The following PCED1B variants were observed in gnomAD, a reference collection of about 807,000 sequenced individuals.
PCED1B encodes PC-esterase domain-containing protein 1B.
For synonymous variants in PCED1B, 251 were observed against 246.1 expected (o/e 1.02, Z -0.19); for missense variants, 573 against 573.9 (o/e 1.00, Z 0.02).
chr12:47,125,548 CT>C (rs1164233363), intron 2 of PCED1B, among the ~76,000 whole-genome samples: 23 of 151,966 alleles, frequency 1.5e-4, no homozygotes. Context: ...GACAAGAGGT[CT>C]GCTGGGTACA....
At chr12:47,201,691 C>T (rs952837886) in intron 2 of PCED1B, among the ~76,000 whole-genome samples, 1 of 151,900 alleles carries the variant, frequency 6.6e-6, no homozygotes, top group Non-Finnish European at 1.5e-5. Context: ...CTCAACCTCC[C>T]GGGCTTAGGT....
chr12:47,161,410 C>T (rs1328785942), intron 2 of PCED1B, among the ~76,000 whole-genome samples: 1 of 152,120 alleles, frequency 6.6e-6, no homozygotes, highest in Non-Finnish European at 1.5e-5. Flanking sequence ...TCTGGGCTCT[C>T]TCTTTTATTT....
Position 47,236,041 on chromosome 12 carries a change from T to A in PCED1B, c.978T>A (p.His326Gln), listed in dbSNP as rs766599303. The change falls in exon 4 of 4, where the codon CAT becomes CAA. Residue 326 changes from histidine to glutamine, a missense_variant. His to Gln is a conservative substitution (Grantham distance 24, BLOSUM62 0). Coordinates refer to ENST00000546455, the MANE Select transcript of PCED1B (RefSeq NM_138371.3). ...LSPQPPPPIL[H>Q]HQGMPRFPQG... ...CACAGCCTCCTCCTCCCATTCTCCA[T>A]CACCAGGGAATGCCCCGGTTCCCAC... The A allele has an allele frequency of 1.9e-6, 3 of 1,613,204 alleles. No individual in the cohort carries two copies. The highest frequency in any genetic ancestry group is 2.7e-5 in the African/African-American group (2 of 74,808).
intron 2 of PCED1B, among the ~76,000 whole-genome samples, chr12:47,157,202 C>T (rs970776625): frequency 2.0e-5 from 3 of 152,094 alleles, no homozygotes; most frequent in Admixed American, 1.3e-4. Flanking sequence ...TACCCCTGAA[C>T]ACATAAAAAA....
intron 2 of PCED1B, among the ~76,000 whole-genome samples, chr12:47,179,686 C>T (rs1268827902): frequency 6.6e-6 from 1 of 152,100 alleles, no homozygotes; most frequent in Non-Finnish European, 1.5e-5. Context: ...CAGTACCAAA[C>T]ATAGTATTTT....
chr12:47,192,586 C>T (rs1162384316), intron 2 of PCED1B, among the ~76,000 whole-genome samples: 1 of 152,126 alleles, frequency 6.6e-6, no homozygotes, highest in Non-Finnish European at 1.5e-5. Flanking sequence ...GCAGAGCTCT[C>T]CTTTCATTTT....
intron 2 of PCED1B, among the ~76,000 whole-genome samples, chr12:47,119,973 A>G (rs1039300763): frequency 2.2e-5 from 2 of 89,306 alleles, no homozygotes; most frequent in Non-Finnish European, 6.2e-5. Context: ...CTCCATAATA[A>G]TAATAATAAT....
At chr12:47,090,767 T>C (rs1938229111) in intron 1 of PCED1B, among the ~76,000 whole-genome samples, 1 of 152,208 alleles carries the variant, frequency 6.6e-6, no homozygotes, top group Non-Finnish European at 1.5e-5. Context: ...CTTTTGTATG[T>C]AGTTGTAAAT....
At chr12:47,149,736 TTTATA>T (rs1043745255) in intron 2 of PCED1B, among the ~76,000 whole-genome samples, 3 of 152,222 alleles carry the variant, frequency 2.0e-5, no homozygotes, top group Non-Finnish European at 4.4e-5. Context: ...ACATGTTTCA[TTTATA>T]TAAGGACAGG....
chr12:47,235,232 G>T lies in PCED1B; in HGVS notation c.169G>T (p.Glu57Ter). Residue 57 changes from glutamate (E) to a stop codon, truncating the protein, a stop_gained, in exon 4 of 4, where the codon GAA becomes TAA. Coordinates refer to ENST00000546455, the MANE Select transcript of PCED1B (RefSeq NM_138371.3). LOFTEE classifies it low-confidence loss of function (END_TRUNC). Reference sequence around the variant, plus strand: ...TAGAGCAAGGGGGGAGCTGAACTTCGAACAAGATGAGCTGGTGGACGGAGG... The same window carrying T: ...TAGAGCAAGGGGGGAGCTGAACTTCTAACAAGATGAGCTGGTGGACGGAGG... Reference protein sequence around the residue: ...QLRARGELNFEQDELVDGGQR... With the variant: ...QLRARGELNF 6.2e-7 allele frequency: 1 copy of T among 1,611,852 alleles called. No individual in the cohort carries two copies. The highest frequency in any genetic ancestry group is 2.2e-5 in the East Asian group (1 of 44,864).
intron 2 of PCED1B, among the ~76,000 whole-genome samples, chr12:47,116,793 T>C (rs552497936): frequency 1.2e-4 from 19 of 152,336 alleles, no homozygotes; most frequent in African/African-American, 4.3e-4. Context: ...TCTAGGAAGA[T>C]TTCAGAAGAA....
chr12:47,097,155 A>G (rs1459337189), intron 1 of PCED1B, among the ~76,000 whole-genome samples: 1 of 152,226 alleles, frequency 6.6e-6, no homozygotes, highest in Non-Finnish European at 1.5e-5. Context: ...TGGCAGAGTC[A>G]GGACTTGAAC....
rs376860693 is a variant in PCED1B, at chr12:47,089,192, C to G, written c.-609+9467C>G. Among the ~76,000 whole-genome samples the G allele has an allele frequency of 1.4e-3, 211 of 152,062 alleles. 2 individuals carry two copies. The South Asian group carries it at 0.042, about 30-fold the overall frequency. ...GCGTGGTGGCTCACGCCTGTAATCC[C>G]AGCACTTTGGGAGGCCAAGGCAGGC... On this transcript the variant is annotated intron_variant, in intron 1 of 3. Coordinates refer to ENST00000546455, the MANE Select transcript of PCED1B (RefSeq NM_138371.3).
chr12:47,236,420 C>T lies in PCED1B; in HGVS notation c.*58C>T. ...ATGGATTGGACAGATCTGACACTTC[C>T]TTTCCATTGCTTGGCCTGAACAGAC... On this transcript the variant is annotated 3_prime_UTR_variant, in exon 4 of 4. Coordinates refer to ENST00000546455, the MANE Select transcript of PCED1B (RefSeq NM_138371.3). 2 of 1,435,846 alleles carry T rather than the reference C, an allele frequency of 1.4e-6. No homozygotes were observed. Among genetic ancestry groups the T allele is most frequent in the East Asian group, 2.5e-5 (1 of 40,034 alleles). 88.9% of individuals were successfully genotyped at this position (1,435,846 alleles called of 1,614,324 possible).
chr12:47,230,600 C>A (rs1012133717), intron 3 of PCED1B, among the ~76,000 whole-genome samples: 2 of 152,068 alleles, frequency 1.3e-5, no homozygotes, highest in African/African-American at 4.8e-5. Context: ...TGCCACCATG[C>A]CTGGCTAATT....
chr12:47,212,033 C>T (rs1347431865), intron 2 of PCED1B, among the ~76,000 whole-genome samples: 1 of 148,302 alleles, frequency 6.7e-6, no homozygotes, highest in Admixed American at 6.7e-5. Flanking sequence ...CGAGATCGTG[C>T]CACTGTACTC....
At chr12:47,083,228 A>G (rs371826625) in intron 1 of PCED1B, among the ~76,000 whole-genome samples, 1 of 152,092 alleles carries the variant, frequency 6.6e-6, no homozygotes, top group African/African-American at 2.4e-5. Flanking sequence ...TAACACTTCA[A>G]TAGCACTTTA....
chr12:47,199,079 A>G (rs1253395850), intron 2 of PCED1B, among the ~76,000 whole-genome samples: 1 of 152,234 alleles, frequency 6.6e-6, no homozygotes, highest in Non-Finnish European at 1.5e-5. Flanking sequence ...GTCACATAAC[A>G]CAAAGTTAGT....
At chr12:47,160,785 G>A (rs1291370164) in intron 2 of PCED1B, among the ~76,000 whole-genome samples, 2 of 152,012 alleles carry the variant, frequency 1.3e-5, no homozygotes, top group African/African-American at 4.8e-5. Context: ...AATTCCCTTT[G>A]TGGCAATGTT....
Sources: allele counts gnomAD v4.1 joint callset (sites outside exome capture counted in the v4.1 genomes callset), GRCh38; gene constraint gnomAD v4.1.1; transcripts MANE v1.5; gene names NCBI Gene and HGNC (gene_info 2026-07-23, HGNC 2026-07-21).